IGDCC4: variants seen among roughly 807,000 people sequenced by gnomAD.
IGDCC4 encodes the protein likely ortholog of mouse neighbor of Punc E11.
In IGDCC4, 72 loss-of-function variants were observed where a neutral mutation model predicts 116.6. The ratio of observed to expected loss-of-function variants is 0.62; its 90% CI spans 0.51 to 0.75. The LOEUF (loss-of-function observed/expected upper bound fraction) is 0.75, where lower values mean the gene tolerates loss of function less well. IGDCC4 is among the 30% of genes least tolerant of loss of function. The pLI, the probability that IGDCC4 is intolerant of heterozygous loss-of-function variation, is 0.00. For missense variants in IGDCC4, 1,501 were observed against 1,662.4 expected, an observed-to-expected ratio of 0.90 and a Z score of 1.69; for synonymous variants, 709 against 719.9, an observed-to-expected ratio of 0.98 and a Z score of 0.24.
At chr15:65,405,574 G>A (rs2063033522) in intron 3 of IGDCC4, among the ~76,000 whole-genome samples, 1 of 152,020 alleles carries the variant, frequency 6.6e-6, no homozygotes, top group African/African-American at 2.4e-5. Flanking sequence ...CTCTTATTGT[G>A]TTTTGAGCTC....
chr15:65,416,354 G>GTC lies in IGDCC4; in HGVS notation c.71-4986_71-4985dup, dbSNP rs2063144124. Among the ~76,000 whole-genome samples, 4 of 151,960 alleles carry GTC rather than the reference G, an allele frequency of 2.6e-5. No individual in the cohort carries two copies. The South Asian group carries it at 8.3e-4, about 32-fold the overall frequency. On this transcript the variant is annotated intron_variant, in intron 1 of 19. Coordinates refer to ENST00000352385, the MANE Select transcript of IGDCC4 (RefSeq NM_020962.3). ...GGGTTTCACCGTGTTAGCCAGGATG[G>GTC]TCTCAATCTCCTGACTTCGTGATCC...
chr15:65,396,919 G>T lies in IGDCC4; in HGVS notation c.912C>A (p.Pro304=), dbSNP rs1290848952. Residue 304 remains proline, a synonymous_variant, in exon 6 of 20, where the codon CCC becomes CCA. Coordinates refer to ENST00000352385, the MANE Select transcript of IGDCC4 (RefSeq NM_020962.3). The part of the protein sequence containing the change: ...RTNLLIANAQ[P]WHSGVYVCRA... Reference sequence around the variant, plus strand: ...GGCAGACATAGACGCCGGAGTGCCAGGGCTGCGCGTTGGCAATTAGTAGGT... The same window carrying T: ...GGCAGACATAGACGCCGGAGTGCCATGGCTGCGCGTTGGCAATTAGTAGGT... 3 of 1,574,270 alleles carry T rather than the reference G, an allele frequency of 1.9e-6. No individual in the cohort carries two copies. The highest frequency in any genetic ancestry group is 2.6e-6 in the Non-Finnish European group (3 of 1,159,526).
At chr15:65,415,721 A>C (rs2063136194) in intron 1 of IGDCC4, among the ~76,000 whole-genome samples, 2 of 152,162 alleles carry the variant, frequency 1.3e-5, no homozygotes, top group Non-Finnish European at 2.9e-5. Context: ...ACCAGCATTG[A>C]GGAGACAACT....
chr15:65,409,872 C>T (rs1455319248), intron 3 of IGDCC4, among the ~76,000 whole-genome samples: 4 of 152,196 alleles, frequency 2.6e-5, no homozygotes, highest in Non-Finnish European at 5.9e-5. Flanking sequence ...GGATAAGCCA[C>T]AGCTCCTCTC....
rs895028940 is a variant in IGDCC4 at position 65,393,236 on chromosome 15, C to A, written c.1885+125G>T. 10 of 1,020,354 alleles carry A rather than the reference C, an allele frequency of 9.8e-6. No individual in the cohort carries two copies. Among genetic ancestry groups the A allele is most frequent in the Non-Finnish European group, 1.2e-5 (9 of 741,044 alleles). 63.2% of individuals were successfully genotyped at this position (1,020,354 alleles called of 1,614,324 possible). A position where few individuals can be genotyped will look rare whatever the true frequency, so the allele number is the denominator to read the frequency against. The stretch of plus-strand genomic sequence containing the variant: ...ACCTAAGCCTCACTCACCCATCAAG[C>A]GGAGGGAGCCATGGAAGGTCTCTGA... On this transcript the variant is annotated intron_variant, in intron 10 of 19. Transcript: ENST00000352385. This position sits in a 1 kb window ranked among gnomAD's most constrained non-coding sequence, Gnocchi z 4.6.
At chr15:65,389,240 T>C (rs1333666968) in intron 14 of IGDCC4, 44 bp downstream of exon 14, 2 of 1,601,464 alleles carry the variant, frequency 1.2e-6, no homozygotes, top group South Asian at 1.1e-5. Context: ...AAGAAGGAGT[T>C]GGGCAAAAGA....
chr15:65,421,360 A>T (rs1328445755), intron 1 of IGDCC4, among the ~76,000 whole-genome samples: 1 of 152,162 alleles, frequency 6.6e-6, no homozygotes, highest in Non-Finnish European at 1.5e-5. Context: ...AGCTCTGGGA[A>T]GACAGACCTC....
intron 5 of IGDCC4, among the ~76,000 whole-genome samples, chr15:65,398,677 G>C (rs1005435459): frequency 6.6e-6 from 1 of 152,092 alleles, no homozygotes; most frequent in Non-Finnish European, 1.5e-5. Context: ...GGATCACGAG[G>C]TCAGGAGATG....
intron 3 of IGDCC4, 127 bp from the exon 4 acceptor site, chr15:65,402,614 A>G: frequency 1.2e-5 from 15 of 1,249,260 alleles, no homozygotes; most frequent in Non-Finnish European, 1.6e-5. Flanking sequence ...CACGCCTATA[A>G]TCCCAGCACT....
At chr15:65,422,608 C>G (rs2063203574) in intron 1 of IGDCC4, among the ~76,000 whole-genome samples, 185 bp downstream of exon 1, 1 of 151,972 alleles carries the variant, frequency 6.6e-6, no homozygotes, top group East Asian at 1.9e-4. Context: ...GACAAGCACG[C>G]CCCACAAACG....
rs939075206 is a variant in IGDCC4 at position 65,393,607 on chromosome 15, C to T, written c.1715-76G>A. The T allele has an allele frequency of 1.4e-4, 207 of 1,443,228 alleles. No individual in the cohort carries two copies. The highest frequency in any genetic ancestry group is 1.9e-4 in the Non-Finnish European group (203 of 1,066,820). 89.4% of individuals were successfully genotyped at this position (1,443,228 alleles called of 1,614,324 possible). A position where few individuals can be genotyped will look rare whatever the true frequency, so the allele number is the denominator to read the frequency against. On this transcript the variant is annotated intron_variant, in intron 9 of 19. Transcript: ENST00000352385. This position sits in a 1 kb window ranked among gnomAD's most constrained non-coding sequence, Gnocchi z 4.6. ...TCCTAAACCCCCCTACATGGCTCTT[C>T]CGCCTCACATCCCGGTTCCTCCGTG... is the stretch of plus-strand genomic sequence containing the variant.
rs896238647 is a variant in IGDCC4, at chr15:65,384,680, C to T, written c.3343-261G>A. ...GGGACAGGAGGAAGGGCTGAGCGTA[C>T]TCAGGCCAGCCACACCCTCAGATCC... On this transcript the variant is annotated intron_variant, in intron 19 of 19. Coordinates refer to ENST00000352385, the MANE Select transcript of IGDCC4 (RefSeq NM_020962.3). The surrounding 1 kb of genome is among the most constrained non-coding windows in gnomAD (Gnocchi z 4.9). 1.3e-5 allele frequency among the ~76,000 whole-genome samples: 2 copies of T among 152,170 alleles called. No homozygotes were observed. Among genetic ancestry groups the T allele is most frequent in the Non-Finnish European group, 2.9e-5 (2 of 68,024 alleles).
At position 65,395,864 on chromosome 15, in the gene IGDCC4, T is replaced by TG; in HGVS notation, c.1296dup (p.Thr433HisfsTer68). On this transcript the variant is annotated frameshift_variant, in exon 7 of 20. Coordinates refer to ENST00000352385, the MANE Select transcript of IGDCC4 (RefSeq NM_020962.3). LOFTEE classifies it high-confidence loss of function. Reference sequence around the variant, plus strand: ...CTCAGTGGCGTAGCAGTGACCCGCGTGGGGGCGCTGGGCAGCCCCTCGCGC... The same window carrying TG: ...CTCAGTGGCGTAGCAGTGACCCGCGTGGGGGGCGCTGGGCAGCCCCTCGCGC... The TG allele has an allele frequency of 6.3e-7, 1 of 1,580,854 alleles. No homozygotes were observed. Among genetic ancestry groups the TG allele is most frequent in the Non-Finnish European group, 8.5e-7 (1 of 1,170,644 alleles).
At chr15:65,407,801 ATTT>A (rs34355872) in intron 3 of IGDCC4, among the ~76,000 whole-genome samples, 2 of 142,804 alleles carry the variant, frequency 1.4e-5, no homozygotes. Flanking sequence ...TAATTTTTGT[ATTT>A]TTTTTTTTTT....
chr15:65,413,344 A>C (rs1474101734), intron 1 of IGDCC4, among the ~76,000 whole-genome samples: 1 of 152,036 alleles, frequency 6.6e-6, no homozygotes, highest in East Asian at 1.9e-4. Context: ...AATTTCCCCA[A>C]GGCCATGCAG....
Position 65,388,927 on chromosome 15 carries a change from G to A in IGDCC4, c.2588C>T (p.Thr863Met), listed in dbSNP as rs201101784. The A allele has an allele frequency of 3.0e-5, 48 of 1,613,202 alleles. No individual in the cohort carries two copies. Among genetic ancestry groups the A allele is most frequent in the South Asian group, 9.9e-5 (9 of 90,972 alleles). Residue 863 changes from threonine to methionine, a missense_variant, in exon 15 of 20, where the codon ACG (threonine) becomes ATG (methionine). Thr to Met is a moderately conservative substitution (Grantham distance 81). Coordinates refer to ENST00000352385, the MANE Select transcript of IGDCC4 (RefSeq NM_020962.3). ...GGGGGGGCACCAGTGCAGCCGAACC[G>A]TGGACGGTGTCAGGGGGCTCAGTCG... Reference protein sequence around the residue: ...DLRLSPLTPSTVRLHWCPPTE... With the variant: ...DLRLSPLTPSMVRLHWCPPTE...
rs975295946 is a variant in IGDCC4, at chr15:65,383,640, G to A, written c.*369C>T. ...AAAAGGCTGGGCGATGGAGGTGGGG[G>A]CCCACAGGGCTGGGGACTGACCACT... is the stretch of plus-strand genomic sequence containing the variant. On this transcript the variant is annotated 3_prime_UTR_variant, in exon 20 of 20. Coordinates refer to ENST00000352385, the MANE Select transcript of IGDCC4 (RefSeq NM_020962.3). 1 of 188,418 alleles carries A rather than the reference G, an allele frequency of 5.3e-6. No homozygotes were observed. Among genetic ancestry groups the A allele is most frequent in the Non-Finnish European group, 1.1e-5 (1 of 92,586 alleles). The allele number at this position is 188,418 out of a possible 1,614,324, so 11.7% of individuals were successfully genotyped here.
intron 1 of IGDCC4, among the ~76,000 whole-genome samples, chr15:65,416,089 G>A (rs1412613443): frequency 6.7e-6 from 1 of 150,228 alleles, no homozygotes; most frequent in Non-Finnish European, 1.5e-5. Flanking sequence ...CTCAACAGCA[G>A]AGGAACACAT....
At chr15:65,401,034 G>C in intron 4 of IGDCC4, 88 bp from the exon 5 acceptor site, 1 of 1,541,330 alleles carries the variant, frequency 6.5e-7, no homozygotes, top group East Asian at 2.2e-5. Flanking sequence ...ACCTGGTGAG[G>C]TGGTACCGGG....
Sources: gnomAD v4.1 joint callset for allele counts (sites outside exome capture counted in the v4.1 genomes callset) on GRCh38, gnomAD v4.1.1 for gene constraint, Gnocchi (gnomAD v3.1) non-coding constraint, MANE v1.5 for transcripts, NCBI Gene and HGNC (gene_info 2026-07-23, HGNC 2026-07-21) for gene names.